Variants in OCA2 observed in about 807,000 individuals in gnomAD.
OCA2 encodes the protein OCA2 melanosomal transmembrane protein, also known as P protein.
A neutral mutation model predicts 100.2 loss-of-function variants in OCA2; 77 were observed. The observed-to-expected ratio is 0.77, with a 90% confidence interval of 0.64 to 0.93. The LOEUF (loss-of-function observed/expected upper bound fraction) is 0.93. Ranked by LOEUF, OCA2 falls within the 40% of genes least tolerant of loss-of-function variation. The pLI is 0.00. For missense variants in OCA2, 1,062 were observed against 1,089.1 expected, an observed-to-expected ratio of 0.98 and a Z score of 0.35; for synonymous variants, 432 against 439.2, an observed-to-expected ratio of 0.98 and a Z score of 0.21.
chr15:27,930,254 T>C (rs567004118), intron 18 of OCA2, among the ~76,000 whole-genome samples: 1 of 152,230 alleles, frequency 6.6e-6, no homozygotes, highest in East Asian at 1.9e-4. Context: ...CATCAACAGG[T>C]GAATGTGTGT....
intron 9 of OCA2, among the ~76,000 whole-genome samples, chr15:28,003,381 G>A (rs1415159940): frequency 2.0e-5 from 3 of 152,230 alleles, no homozygotes; most frequent in Admixed American, 1.3e-4. Flanking sequence ...AACAGGTGCC[G>A]TCCCTACCCC....
chr15:28,078,607 C>T (rs1269028097), intron 2 of OCA2, among the ~76,000 whole-genome samples: 1 of 152,202 alleles, frequency 6.6e-6, no homozygotes, highest in African/African-American at 2.4e-5. Flanking sequence ...AACAACCACA[C>T]AGATGAGCTC....
chr15:27,830,001 A>T (rs1246010650), intron 23 of OCA2, among the ~76,000 whole-genome samples: 1 of 152,244 alleles, frequency 6.6e-6, no homozygotes, highest in Non-Finnish European at 1.5e-5. Context: ...ATGTTATTTT[A>T]AGGTTTATTA....
At chr15:27,926,368 C>A (rs949540287) in intron 18 of OCA2, 114 bp from the exon 19 acceptor site, 4 of 1,104,244 alleles carry the variant, frequency 3.6e-6, no homozygotes, top group African/African-American at 3.1e-5. Flanking sequence ...TACTACAAAC[C>A]GCATATATGT....
rs747798806 is a variant in OCA2, at chr15:28,028,906, G to C, written c.327-847C>G. ...TCATCATGTTGGCCAGGCTAGTCTC[G>C]AACTCCTGACTTCAAGTGATCTGAC... On this transcript the variant is annotated intron_variant, in intron 3 of 23. Transcript: ENST00000354638. Among the ~76,000 whole-genome samples, 2 of 152,132 alleles carry C rather than the reference G, an allele frequency of 1.3e-5. 1 individual carries two copies.
At chr15:27,934,647 T>C (rs999630614) in intron 18 of OCA2, among the ~76,000 whole-genome samples, 1 of 152,192 alleles carries the variant, frequency 6.6e-6, no homozygotes, top group Non-Finnish European at 1.5e-5. Flanking sequence ...CTGAGAGAAA[T>C]TTCAGTCATG....
At chr15:27,893,543 G>A (rs1187517384) in intron 19 of OCA2, among the ~76,000 whole-genome samples, 1 of 152,078 alleles carries the variant, frequency 6.6e-6, no homozygotes, top group Non-Finnish European at 1.5e-5. Context: ...TTCCTAGCAA[G>A]GAATATTAAT....
At chr15:27,840,925 T>G (rs1018014849) in intron 23 of OCA2, among the ~76,000 whole-genome samples, 4 of 152,186 alleles carry the variant, frequency 2.6e-5, no homozygotes, top group Admixed American at 1.3e-4. Context: ...CATTAAAAAT[T>G]TTTTTGACAC....
rs141717260 is a variant in OCA2, at chr15:27,847,137, T to C, written c.2339-2085A>G. 5.3e-4 allele frequency among the ~76,000 whole-genome samples: 81 copies of C among 152,254 alleles called. 1 individual carries two copies. In the East Asian group the frequency reaches 0.014, roughly 27 times the overall value. On this transcript the variant is annotated intron_variant, in intron 22 of 23. Coordinates refer to ENST00000354638, the MANE Select transcript of OCA2 (RefSeq NM_000275.3). ...GTCCTTCAGCCTTCTCACAGACTCA[T>C]AGCCTGGGAGGCAGGACATCAACTC...
chr15:27,921,973 T>G (rs2038874019), intron 19 of OCA2, among the ~76,000 whole-genome samples: 1 of 152,328 alleles, frequency 6.6e-6, no homozygotes, highest in Admixed American at 6.5e-5. Flanking sequence ...CACTGTATTC[T>G]TACAATAAAG....
intron 23 of OCA2, among the ~76,000 whole-genome samples, chr15:27,809,506 G>C (rs998643958): frequency 6.6e-6 from 1 of 152,156 alleles, no homozygotes; most frequent in African/African-American, 2.4e-5. Flanking sequence ...AACAGTATTG[G>C]AAGTAATAGC....
chr15:28,014,179 G>A (rs1022730031), intron 9 of OCA2, among the ~76,000 whole-genome samples: 9 of 152,122 alleles, frequency 5.9e-5, no homozygotes, highest in Non-Finnish European at 1.2e-4. Context: ...AAGCAACAAC[G>A]GACCTGCCCA....
chr15:27,996,483 G>A (rs2041731304), intron 9 of OCA2, among the ~76,000 whole-genome samples: 1 of 151,746 alleles, frequency 6.6e-6, no homozygotes, highest in Admixed American at 6.6e-5. Flanking sequence ...AAAAAATATT[G>A]GCAGAAAGAA....
chr15:27,955,283 G>A, intron 16 of OCA2, 68 bp from the exon 17 acceptor site: 12 of 1,179,248 alleles, frequency 1.0e-5, no homozygotes, highest in Non-Finnish European at 1.5e-5. Flanking sequence ...CGGAGCAGCA[G>A]TCCCCAGCGC....
intron 1 of OCA2, among the ~76,000 whole-genome samples, chr15:28,083,126 G>A (rs1032147954): frequency 1.1e-4 from 17 of 152,122 alleles, no homozygotes; most frequent in Non-Finnish European, 2.1e-4. Flanking sequence ...ACTCCTAATC[G>A]CCTGTTTCAC....
intron 4 of OCA2, among the ~76,000 whole-genome samples, chr15:28,026,461 G>A (rs773932396): frequency 4.6e-5 from 7 of 152,134 alleles, no homozygotes; most frequent in Non-Finnish European, 8.8e-5. Context: ...GGATTCATTG[G>A]CCAAATGTTT....
the OCA2 span, among the ~76,000 whole-genome samples, chr15:27,730,543 G>A: frequency 6.6e-5 from 10 of 151,716 alleles, no homozygotes; most frequent in African/African-American, 2.4e-4. Context: ...CATTCCCAAG[G>A]TTGGGGGCTG....
At position 28,018,501 on chromosome 15, in the gene OCA2, C is replaced by A. The variant is rs764929500; in HGVS notation, c.703G>T (p.Ala235Ser). The change falls in exon 7 of 24, where the codon GCC (alanine) becomes TCC (serine). Residue 235 changes from alanine (A) to serine (S), a missense_variant. By Grantham distance (99) the Ala-to-Ser change is moderately conservative. Transcript: ENST00000354638. ...STLLQVDLAG[A>S]LVASGPSRPG... ...CGACTCGGCCCACTGGCCACTAGGG[C>A]CCCTGCCAGGTCCACCTGCAGCAGC... is the stretch of plus-strand genomic sequence containing the variant. 4 of 1,613,770 alleles carry A rather than the reference C, an allele frequency of 2.5e-6. No individual in the cohort carries two copies. The Admixed American group carries it at 5.0e-5, about 20-fold the overall frequency.
At chr15:27,979,128 T>TA in intron 14 of OCA2, among the ~76,000 whole-genome samples, 1 of 152,374 alleles carries the variant, frequency 6.6e-6, no homozygotes, top group South Asian at 2.1e-4. Flanking sequence ...CAATATTCAA[T>TA]AAGTTACATG....
Sources: gnomAD v4.1 joint callset for allele counts (sites outside exome capture counted in the v4.1 genomes callset) on GRCh38, gnomAD v4.1.1 for gene constraint, MANE v1.5 for transcripts, NCBI Gene and HGNC (gene_info 2026-07-23, HGNC 2026-07-21) for gene names.